The following GTSE1 variants were observed in gnomAD, a reference collection of about 807,000 sequenced individuals.
The protein encoded by GTSE1 is G2 and S-phase expressed 1, also known as G2 and S phase-expressed protein 1.
A neutral mutation model predicts 60.5 loss-of-function variants in GTSE1; 52 were observed. The ratio of observed to expected loss-of-function variants is 0.86; its 90% CI spans 0.69 to 1.08. The LOEUF (loss-of-function observed/expected upper bound fraction) is 1.08. Ranked by LOEUF, GTSE1 falls within the 50% of genes least tolerant of loss-of-function variation. The pLI, the probability that GTSE1 is intolerant of heterozygous loss-of-function variation, is 0.00. For synonymous variants in GTSE1, 368 were observed against 386.5 expected, an observed-to-expected ratio of 0.95 and a Z score of 0.56; for missense variants, 937 against 961.8, an observed-to-expected ratio of 0.97 and a Z score of 0.34.
Position 46,316,805 on chromosome 22 carries a change from A to G in GTSE1, c.1432+393A>G, listed in dbSNP as rs2077783870. ...GGAAAACGTTGGCCATTATTTCTTC[A>G]GCTATCTTTTCCTCTTTCCACTTTA... On this transcript the variant is annotated intron_variant, in intron 7 of 11. Transcript: ENST00000454366. This position sits in a 1 kb window ranked among gnomAD's most constrained non-coding sequence, Gnocchi z 5.0. 1.3e-5 allele frequency among the ~76,000 whole-genome samples: 2 copies of G among 151,924 alleles called. No homozygotes were observed. The highest frequency in any genetic ancestry group is 4.8e-5 in the African/African-American group (2 of 41,368).
In GTSE1 at chr22:46,313,531, C is replaced by T. The variant is rs1357731966; in HGVS notation, c.928-359C>T. On this transcript the variant is annotated intron_variant, in intron 5 of 11. Coordinates refer to ENST00000454366, the MANE Select transcript of GTSE1 (RefSeq NM_016426.7). This position sits in a 1 kb window ranked among gnomAD's most constrained non-coding sequence, Gnocchi z 4.4. ...TTTGTTGTTGTTGTTGTTGTTGAGA[C>T]GGAGTCTCACTCTGTCGCCCAGGCT... Among the ~76,000 whole-genome samples the T allele has an allele frequency of 1.3e-5, 2 of 152,176 alleles. No homozygotes were observed. Among genetic ancestry groups the T allele is most frequent in the South Asian group, 2.1e-4 (1 of 4,828 alleles).
rs375973157 is a variant in GTSE1 at position 46,318,548 on chromosome 22, A to G, written c.1432+2136A>G. On this transcript the variant is annotated intron_variant, in intron 7 of 11. Coordinates refer to ENST00000454366, the MANE Select transcript of GTSE1 (RefSeq NM_016426.7). The surrounding 1 kb of genome is among the most constrained non-coding windows in gnomAD (Gnocchi z 4.8). ...GGGAAGATGGTGTCCTGGAGCTGGC[A>G]TGTTTGGGGAGGAATTTGCATCGGG... Among the ~76,000 whole-genome samples the G allele has an allele frequency of 1.3e-4, 20 of 152,286 alleles. No individual in the cohort carries two copies. Among genetic ancestry groups the G allele is most frequent in the African/African-American group, 4.8e-4 (20 of 41,550 alleles).
At chr22:46,327,045 A>G (rs1027125722) in intron 9 of GTSE1, 1 of 173,840 alleles carries the variant, frequency 5.8e-6, no homozygotes, top group African/African-American at 2.4e-5. Flanking sequence ...TCTACAAAAA[A>G]TACAAAAATA....
rs755258366 is a variant in GTSE1, at chr22:46,297,347, G to T, written c.-21-33G>T. On this transcript the variant is annotated intron_variant, in intron 1 of 11. Transcript: ENST00000454366. This position sits in a 1 kb window ranked among gnomAD's most constrained non-coding sequence, Gnocchi z 4.9. ...AAGCCGGAGCCCTGGGCCCTGACAC[G>T]TACTCACTTTCTGGCCCCGTTCCAC... The T allele has an allele frequency of 9.9e-6, 12 of 1,208,464 alleles. No individual in the cohort carries two copies. The highest frequency in any genetic ancestry group is 2.3e-5 in the East Asian group (1 of 43,088). The allele number at this position is 1,208,464 out of a possible 1,614,324, so 74.9% of individuals were successfully genotyped here.
In GTSE1 at chr22:46,309,851, G is replaced by T. The variant is rs2077738591; in HGVS notation, c.762+908G>T. Reference sequence around the variant, plus strand: ...CGTTTGGGATGTAGATTCCTACCGTGATGTTTCTAGAATGAGAGTGGGATG... The same window carrying T: ...CGTTTGGGATGTAGATTCCTACCGTTATGTTTCTAGAATGAGAGTGGGATG... On this transcript the variant is annotated intron_variant, in intron 4 of 11. Transcript: ENST00000454366. The surrounding 1 kb of genome is among the most constrained non-coding windows in gnomAD (Gnocchi z 6.2). 6.6e-6 allele frequency among the ~76,000 whole-genome samples: 1 copy of T among 152,248 alleles called. No homozygotes were observed. Among genetic ancestry groups the T allele is most frequent in the Admixed American group, 6.5e-5 (1 of 15,288 alleles).
At chr22:46,305,775 C>T (rs575389545) in intron 2 of GTSE1, among the ~76,000 whole-genome samples, 2 of 151,424 alleles carry the variant, frequency 1.3e-5, no homozygotes, top group East Asian at 2.0e-4. Context: ...GGTGTGGTGG[C>T]GCGCGCCTGT....
Position 46,318,683 on chromosome 22 carries a change from C to T in GTSE1, c.1432+2271C>T, listed in dbSNP as rs1569043953. On this transcript the variant is annotated intron_variant, in intron 7 of 11. Transcript: ENST00000454366. This position sits in a 1 kb window ranked among gnomAD's most constrained non-coding sequence, Gnocchi z 4.8. ...GGGGGAGCACTCCAGGCAGAGGCAA[C>T]GGCAGGAGTGCAGAGGTCCTGGGGC... Among the ~76,000 whole-genome samples, 1 of 152,098 alleles carries T rather than the reference C, an allele frequency of 6.6e-6. No homozygotes were observed. The highest frequency in any genetic ancestry group is 1.5e-5 in the Non-Finnish European group (1 of 68,016).
Position 46,316,725 on chromosome 22 carries a change from G to A in GTSE1, c.1432+313G>A, listed in dbSNP as rs1045826317. Among the ~76,000 whole-genome samples, 6 of 152,122 alleles carry A rather than the reference G, an allele frequency of 3.9e-5. No individual in the cohort carries two copies. In the East Asian group the frequency reaches 1.2e-3, roughly 29 times the overall value. On this transcript the variant is annotated intron_variant, in intron 7 of 11. Coordinates refer to ENST00000454366, the MANE Select transcript of GTSE1 (RefSeq NM_016426.7). The surrounding 1 kb of genome is among the most constrained non-coding windows in gnomAD (Gnocchi z 5.0). ...AGGTGGCTTTCTTTGCCTTTATCCC[G>A]CTGAGGGTTTCTTAAGCTTCTTTGA...
In GTSE1 at chr22:46,308,494, G is replaced by A. The variant is rs554280575; in HGVS notation, c.313G>A (p.Ala105Thr). The stretch of plus-strand genomic sequence containing the variant: ...GAAGTTCGTGGAGGTGTACAAAGAA[G>A]CTCACTTACTGGCTTTACACATTGA... ...GEKFVEVYKEAHLLALHIESS... is the reference protein window; with the variant it reads ...GEKFVEVYKETHLLALHIESS... The change falls in exon 4 of 12, where the codon GCT becomes ACT. Residue 105 changes from alanine (A) to threonine (T), a missense_variant. Transcript: ENST00000454366. 3 of 1,614,210 alleles carry A rather than the reference G, an allele frequency of 1.9e-6. No homozygotes were observed. The South Asian group carries it at 3.3e-5, about 18-fold the overall frequency.
intron 9 of GTSE1, among the ~76,000 whole-genome samples, chr22:46,328,210 T>C (rs984209683): frequency 6.6e-6 from 1 of 152,046 alleles, no homozygotes; most frequent in Non-Finnish European, 1.5e-5. Flanking sequence ...GGAAAGCTGG[T>C]GTGGGCAGCC....
intron 2 of GTSE1, among the ~76,000 whole-genome samples, chr22:46,300,888 C>T (rs2077685660): frequency 6.6e-6 from 1 of 152,212 alleles, no homozygotes; most frequent in Non-Finnish European, 1.5e-5. Context: ...TCTAAGTCAC[C>T]TACTTGCCCT....
chr22:46,330,449 C>T lies in GTSE1; in HGVS notation c.*319C>T, dbSNP rs1248422158. 5 of 215,520 alleles carry T rather than the reference C, an allele frequency of 2.3e-5. No homozygotes were observed. The highest frequency in any genetic ancestry group is 4.6e-5 in the Non-Finnish European group (5 of 109,356). The allele number at this position is 215,520 out of a possible 1,614,324, so 13.4% of individuals were successfully genotyped here. ...AGTGGGCTGTGATTGTGCCACTGCA[C>T]TCCAGCCTGGGCACCAATGTGAGAA... On this transcript the variant is annotated 3_prime_UTR_variant, in exon 12 of 12. Coordinates refer to ENST00000454366, the MANE Select transcript of GTSE1 (RefSeq NM_016426.7). The surrounding 1 kb of genome is among the most constrained non-coding windows in gnomAD (Gnocchi z 6.0).
chr22:46,330,189 A>T lies in GTSE1; in HGVS notation c.*59A>T. 9.8e-7 allele frequency: 1 copy of T among 1,024,304 alleles called. No individual in the cohort carries two copies. The highest frequency in any genetic ancestry group is 1.6e-6 in the Non-Finnish European group (1 of 642,768). 63.5% of individuals were successfully genotyped at this position (1,024,304 alleles called of 1,614,324 possible). ...CCTAAAGTGGTTTTCAACCCTCAGAAACAAGCTTTAGGCTGGTCGCAGTGG... is the reference window on the plus strand; with the variant it reads ...CCTAAAGTGGTTTTCAACCCTCAGATACAAGCTTTAGGCTGGTCGCAGTGG... On this transcript the variant is annotated 3_prime_UTR_variant, in exon 12 of 12. Coordinates refer to ENST00000454366, the MANE Select transcript of GTSE1 (RefSeq NM_016426.7). This position sits in a 1 kb window ranked among gnomAD's most constrained non-coding sequence, Gnocchi z 6.0.
chr22:46,305,671 G>A (rs1016673946), intron 2 of GTSE1, among the ~76,000 whole-genome samples: 2 of 151,670 alleles, frequency 1.3e-5, no homozygotes, highest in Non-Finnish European at 2.9e-5. Flanking sequence ...CACTTTGGGA[G>A]GCTGAGGCAG....
At position 46,328,737 on chromosome 22, in the gene GTSE1, G is replaced by A. The variant is rs759094823; in HGVS notation, c.1774G>A (p.Asp592Asn). Reference sequence around the variant, plus strand: ...CAGAAAGACAGATTCCAGGCTGGTGGATGTGTCCCCTGACAGGGGTTCTCC... The same window carrying A: ...CAGAAAGACAGATTCCAGGCTGGTGAATGTGTCCCCTGACAGGGGTTCTCC... Reference protein sequence around the residue: ...SNRKTDSRLVDVSPDRGSPPS... With the variant: ...SNRKTDSRLVNVSPDRGSPPS... The change falls in exon 10 of 12, where the codon GAT becomes AAT. Residue 592 changes from aspartate (D) to asparagine (N), a missense_variant. Coordinates refer to ENST00000454366, the MANE Select transcript of GTSE1 (RefSeq NM_016426.7). The A allele has an allele frequency of 3.1e-6, 5 of 1,614,102 alleles. No individual in the cohort carries two copies. The Admixed American group carries it at 8.3e-5, about 27-fold the overall frequency.
intron 5 of GTSE1, among the ~76,000 whole-genome samples, 160 bp downstream of exon 5, chr22:46,312,465 C>G (rs1353225912): frequency 6.6e-6 from 1 of 151,790 alleles, no homozygotes; most frequent in Admixed American, 6.6e-5. Flanking sequence ...CATGATGAAA[C>G]CCATCTCTAC....
Position 46,313,047 on chromosome 22 carries a change from C to T in GTSE1, c.927+742C>T, listed in dbSNP as rs1014689363. Among the ~76,000 whole-genome samples the T allele has an allele frequency of 6.6e-6, 1 of 151,298 alleles. No individual in the cohort carries two copies. Among genetic ancestry groups the T allele is most frequent in the African/African-American group, 2.4e-5 (1 of 41,140 alleles). On this transcript the variant is annotated intron_variant, in intron 5 of 11. Transcript: ENST00000454366. The surrounding 1 kb of genome is among the most constrained non-coding windows in gnomAD (Gnocchi z 4.4). ...GCATGGTGGTGCATGCCTGTGGTCC[C>T]AGCTATTTGGGAGGTTGAGGTGGGA...
chr22:46,309,354 G>C lies in GTSE1; in HGVS notation c.762+411G>C, dbSNP rs975042252. ...GTGAGGTGAGCTTTCCTGGGAGGTG[G>C]CAGTTGACAGGGGTGCCTTTGGGTG... On this transcript the variant is annotated intron_variant, in intron 4 of 11. Coordinates refer to ENST00000454366, the MANE Select transcript of GTSE1 (RefSeq NM_016426.7). This position sits in a 1 kb window ranked among gnomAD's most constrained non-coding sequence, Gnocchi z 6.2. Among the ~76,000 whole-genome samples the C allele has an allele frequency of 6.6e-6, 1 of 152,166 alleles. No individual in the cohort carries two copies. Among genetic ancestry groups the C allele is most frequent in the Non-Finnish European group, 1.5e-5 (1 of 68,034 alleles).
chr22:46,315,006 A>T (rs1436818598), intron 6 of GTSE1, among the ~76,000 whole-genome samples: 1 of 151,778 alleles, frequency 6.6e-6, no homozygotes, highest in African/African-American at 2.4e-5. Context: ...CTCCCACCTC[A>T]GCCTCCTGAG....
Sources: gnomAD v4.1 joint callset for allele counts (sites outside exome capture counted in the v4.1 genomes callset) on GRCh38, gnomAD v4.1.1 for gene constraint, Gnocchi (gnomAD v3.1) non-coding constraint, MANE v1.5 for transcripts, NCBI Gene and HGNC (gene_info 2026-07-23, HGNC 2026-07-21) for gene names.